The following CHODL variants were observed in gnomAD, a reference collection of about 807,000 sequenced individuals.
CHODL encodes chondrolectin.
Under a neutral mutation model 34.5 loss-of-function variants are expected in CHODL, and 29 were observed. That is an observed-to-expected ratio of 0.84 (90% CI 0.63 to 1.15). CHODL has a LOEUF of 1.15. Ranked by LOEUF, CHODL falls within the 50% of genes most tolerant of loss-of-function variation. The probability of loss-of-function intolerance (pLI) is 0.00; values close to 1 mark genes in which losing one functional copy is unlikely to be tolerated. For missense variants in CHODL, 332 were observed against 332.5 expected (o/e 1.00, Z 0.01); for synonymous variants, 125 against 116.1 (o/e 1.08, Z -0.49).
intron 2 of CHODL, among the ~76,000 whole-genome samples, chr21:18,049,753 C>T (rs2064490039): frequency 1.3e-5 from 2 of 151,966 alleles, no homozygotes; most frequent in Admixed American, 6.6e-5. Flanking sequence ...TGGATTAGGA[C>T]CAACACTAAC....
At chr21:18,044,449 A>G (rs2064416225) in intron 2 of CHODL, among the ~76,000 whole-genome samples, 1 of 151,912 alleles carries the variant, frequency 6.6e-6, no homozygotes, top group Non-Finnish European at 1.5e-5. Context: ...TTTTTTTAAC[A>G]CTTTTACTGG....
At chr21:18,242,927 A>G (rs530843367), upstream of CHODL, among the ~76,000 whole-genome samples, 4 of 152,300 alleles carry the variant, frequency 2.6e-5, no homozygotes, top group South Asian at 2.1e-4. Flanking sequence ...AGGAATATCT[A>G]TCTAGTGCTT....
At chr21:18,046,314 G>A (rs17002293) in intron 2 of CHODL, among the ~76,000 whole-genome samples, 6,178 of 151,964 alleles carry the variant, frequency 0.041, 159 homozygotes, top group South Asian at 0.061. Context: ...CAAAGAGTGG[G>A]CTGTCAGAAA....
chr21:18,251,394 A>T lies in CHODL; in HGVS notation c.80-5115A>T, dbSNP rs187605393. 3.7e-3 allele frequency among the ~76,000 whole-genome samples: 324 copies of T among 87,816 alleles called. 6 individuals carry two copies. The highest frequency in any genetic ancestry group is 0.021 in the African/African-American group (306 of 14,618). The allele number at this position is 87,816 out of a possible 152,430, so 57.6% of individuals were successfully genotyped here. Reference sequence around the variant, plus strand: ...AAATAAATGTATTTTATTTGTTTTAATATATAAAATATGTATTTTATTTAT... The same window carrying T: ...AAATAAATGTATTTTATTTGTTTTATTATATAAAATATGTATTTTATTTAT... On this transcript the variant is annotated intron_variant, in intron 1 of 5. Transcript: ENST00000299295.
chr21:18,147,070 GA>G (rs1370560991), intron 2 of CHODL, among the ~76,000 whole-genome samples: 12 of 152,096 alleles, frequency 7.9e-5, no homozygotes, highest in Admixed American at 3.9e-4. Flanking sequence ...CTGACCATTG[GA>G]AAAGAGTCTT....
Position 18,114,460 on chromosome 21 carries a change from A to AT in CHODL, c.-45+86498dup, listed in dbSNP as rs571186324. Among the ~76,000 whole-genome samples the AT allele has an allele frequency of 7.4e-4, 112 of 151,494 alleles. 1 individual carries two copies. The South Asian group carries it at 0.017, about 23-fold the overall frequency. On this transcript the variant is annotated intron_variant, in intron 2 of 6. Transcript: ENST00000400127. ...AAATAATTTAAAAAACTTATTTATT[A>AT]TTTTTTTTTGAGATGGAATTTCGCT...
chr21:18,043,230 G>T (rs1231040603), intron 2 of CHODL, among the ~76,000 whole-genome samples: 1 of 151,978 alleles, frequency 6.6e-6, no homozygotes, highest in African/African-American at 2.4e-5. Flanking sequence ...AACCTGTGCA[G>T]TCGCACTGGG....
At chr21:18,263,413 A>T (rs1177518300) in intron 5 of CHODL, among the ~76,000 whole-genome samples, 1 of 152,184 alleles carries the variant, frequency 6.6e-6, no homozygotes, top group African/African-American at 2.4e-5. Flanking sequence ...AGCGGTTCAA[A>T]CAGGCCACTT....
intron 2 of CHODL, among the ~76,000 whole-genome samples, chr21:18,189,623 TG>T (rs1361432710): frequency 2.2e-5 from 3 of 135,322 alleles, no homozygotes; most frequent in Non-Finnish European, 4.6e-5. Flanking sequence ...CTAATAGAAG[TG>T]GGCAATTTTT....
At chr21:18,250,322 T>A (rs112129979) in intron 1 of CHODL, among the ~76,000 whole-genome samples, 10,471 of 152,012 alleles carry the variant, frequency 0.069, 1,192 homozygotes, top group African/African-American at 0.24. Flanking sequence ...TCTGATTTTT[T>A]AAAAAAATAG....
chr21:17,992,541 C>G (rs2063805645), intron 1 of CHODL, among the ~76,000 whole-genome samples: 1 of 151,964 alleles, frequency 6.6e-6, no homozygotes, highest in African/African-American at 2.4e-5. Context: ...GAAACTTACC[C>G]TAGGTAATTT....
At chr21:18,083,052 C>T (rs1455327797) in intron 2 of CHODL, among the ~76,000 whole-genome samples, 1 of 152,198 alleles carries the variant, frequency 6.6e-6, no homozygotes, top group Non-Finnish European at 1.5e-5. Flanking sequence ...GAGATCTTGA[C>T]AGCAGTCCAT....
intron 2 of CHODL, among the ~76,000 whole-genome samples, chr21:18,028,775 A>C (rs540680823): frequency 1.3e-5 from 2 of 151,772 alleles, no homozygotes; most frequent in South Asian, 2.1e-4. Context: ...TTACTACTGC[A>C]TAATATACAT....
At chr21:18,222,798 G>T (rs1007184992) in intron 2 of CHODL, among the ~76,000 whole-genome samples, 3 of 151,970 alleles carry the variant, frequency 2.0e-5, no homozygotes, top group African/African-American at 7.2e-5. Context: ...CTTTTTTTGT[G>T]GAGGAGGCAA....
chr21:17,963,983 A>T (rs907999066), intron 1 of CHODL, among the ~76,000 whole-genome samples: 3 of 152,202 alleles, frequency 2.0e-5, no homozygotes, highest in Non-Finnish European at 4.4e-5. Context: ...CCAAAAAATC[A>T]CAAATATACA....
At chr21:17,989,857 A>T (rs2063783329) in intron 1 of CHODL, among the ~76,000 whole-genome samples, 1 of 152,180 alleles carries the variant, frequency 6.6e-6, no homozygotes, top group African/African-American at 2.4e-5. Context: ...GGAGTTAAAC[A>T]AGAACTTGGA....
At chr21:17,959,362 T>G (rs1314383555) in intron 1 of CHODL, among the ~76,000 whole-genome samples, 1 of 152,196 alleles carries the variant, frequency 6.6e-6, no homozygotes, top group African/African-American at 2.4e-5. Context: ...TCAGTATTTC[T>G]CAATGTCTGT....
intron 2 of CHODL, among the ~76,000 whole-genome samples, chr21:18,147,959 T>A (rs536568265): frequency 6.6e-6 from 1 of 152,292 alleles, no homozygotes; most frequent in South Asian, 2.1e-4. Context: ...TAATTGTACA[T>A]CTTATTTCAG....
intron 2 of CHODL, among the ~76,000 whole-genome samples, chr21:18,185,798 C>T (rs2073433513): frequency 2.0e-5 from 3 of 152,144 alleles, no homozygotes. Context: ...TGAGGGCTTG[C>T]TTCCTGGTTT....
Sources: gnomAD v4.1 joint callset for allele counts (sites outside exome capture counted in the v4.1 genomes callset) on GRCh38, gnomAD v4.1.1 for gene constraint, MANE v1.5 for transcripts, NCBI Gene and HGNC (gene_info 2026-07-23, HGNC 2026-07-21) for gene names.